QSOX1: variants seen among roughly 807,000 people sequenced by gnomAD.
QSOX1 encodes quiescin sulfhydryl oxidase 1, also known as sulfhydryl oxidase 1.
Under a neutral mutation model 76.1 loss-of-function variants are expected in QSOX1, and 40 were observed. The observed-to-expected ratio is 0.53, with a 90% CI of 0.41 to 0.68. QSOX1 has a LOEUF of 0.68. Ranked by LOEUF, QSOX1 falls within the 30% of genes least tolerant of loss-of-function variation. QSOX1 has a pLI of 0.00. For missense variants in QSOX1, 931 were observed against 974.3 expected (o/e 0.96, Z 0.59); for synonymous variants, 392 against 413.1 (o/e 0.95, Z 0.62).
At chr1:180,162,001 A>G (rs892435422) in intron 1 of QSOX1, among the ~76,000 whole-genome samples, 6 of 152,260 alleles carry the variant, frequency 3.9e-5, no homozygotes, top group Non-Finnish European at 8.8e-5. Context: ...GAATAAAGCA[A>G]TTAACTGTAG....
chr1:180,184,180 G>A, intron 7 of QSOX1, 130 bp downstream of exon 7: 3 of 1,259,450 alleles, frequency 2.4e-6, no homozygotes, highest in Non-Finnish European at 3.3e-6. Context: ...TCTGAGCCAG[G>A]CTGTCCCCCA....
chr1:180,156,599 G>A (rs1662380988), intron 1 of QSOX1, among the ~76,000 whole-genome samples: 1 of 152,178 alleles, frequency 6.6e-6, no homozygotes, highest in Admixed American at 6.5e-5. Context: ...TTAGCCATAT[G>A]GTCCTGGAAA....
rs1662339814 is a variant in QSOX1 at position 180,155,017 on chromosome 1, C to G, written c.110C>G (p.Ser37Trp). The change falls in exon 1 of 12, where the codon TCG becomes TGG. Residue 37 changes from serine (S) to tryptophan (W), a missense_variant. Physicochemically the swap from Ser to Trp is radical, Grantham distance 177. Coordinates refer to ENST00000367602, the MANE Select transcript of QSOX1 (RefSeq NM_002826.5). ...GCGGCCCCGCGGTCGGCGCTCTATT[C>G]GCCTTCCGACCCGCTGACGCTGCTG... Reference protein sequence around the residue: ...ANAAPRSALYSPSDPLTLLQA... With the variant: ...ANAAPRSALYWPSDPLTLLQA... The G allele has an allele frequency of 2.0e-6, 3 of 1,513,036 alleles. No homozygotes were observed. The highest frequency in any genetic ancestry group is 8.8e-7 in the Non-Finnish European group (1 of 1,138,086). 93.7% of individuals were successfully genotyped at this position (1,513,036 alleles called of 1,614,324 possible). A position where few individuals can be genotyped will look rare whatever the true frequency, so the allele number is the denominator to read the frequency against.
At position 180,200,632 on chromosome 1, in the gene QSOX1, C is replaced by T. The variant is rs538470478; in HGVS notation, c.*3595C>T. 6.6e-6 allele frequency: 1 copy of T among 152,282 alleles called. No homozygotes were observed. Among genetic ancestry groups the T allele is most frequent in the African/African-American group, 2.4e-5 (1 of 41,534 alleles). 9.4% of individuals were successfully genotyped at this position (152,282 alleles called of 1,614,324 possible). ...TAAATCTCATTTAATCCTCCAACAA[C>T]GCAAGATGAAGAAGCTGAGGCTTAA... On this transcript the variant is annotated 3_prime_UTR_variant, in exon 12 of 12. Coordinates refer to ENST00000367602, the MANE Select transcript of QSOX1 (RefSeq NM_002826.5).
chr1:180,189,894 C>G (rs909556043), intron 9 of QSOX1, among the ~76,000 whole-genome samples: 1 of 152,214 alleles, frequency 6.6e-6, no homozygotes, highest in Admixed American at 6.5e-5. Context: ...ATATTCTCCC[C>G]ATTTAGCAGA....
chr1:180,158,192 G>T (rs890521749), intron 1 of QSOX1, among the ~76,000 whole-genome samples: 3 of 152,226 alleles, frequency 2.0e-5, no homozygotes, highest in African/African-American at 7.2e-5. Flanking sequence ...GCTTTCTGGA[G>T]CCTGGGCAGG....
chr1:180,178,101 C>G (rs1448974134), intron 4 of QSOX1, among the ~76,000 whole-genome samples: 1 of 152,162 alleles, frequency 6.6e-6, no homozygotes, highest in African/African-American at 2.4e-5. Flanking sequence ...CTAATACCCC[C>G]CAGCTCTCAG....
chr1:180,194,326 G>C lies in QSOX1; in HGVS notation c.1402G>C (p.Gly468Arg). Residue 468 changes from glycine (G) to arginine (R), a missense_variant, in exon 11 of 12, where the codon GGG becomes CGG. Physicochemically the swap from Gly to Arg is moderately radical, Grantham distance 125. Transcript: ENST00000367602. ...QMAAASMHRV[G>R]SPNAAVLWLW... Reference sequence around the variant, plus strand: ...GGCTGCTGCCTCCATGCACCGGGTGGGGAGTCCCAACGCCGCTGTCCTCTG... The same window carrying C: ...GGCTGCTGCCTCCATGCACCGGGTGCGGAGTCCCAACGCCGCTGTCCTCTG... The C allele has an allele frequency of 6.2e-7, 1 of 1,609,674 alleles. No individual in the cohort carries two copies. Among genetic ancestry groups the C allele is most frequent in the South Asian group, 1.1e-5 (1 of 90,664 alleles).
intron 2 of QSOX1, 38 bp downstream of exon 2, chr1:180,166,629 G>A (rs1662637227): frequency 1.9e-6 from 3 of 1,585,210 alleles, no homozygotes; most frequent in South Asian, 1.1e-5. Flanking sequence ...GGCTGGGCCT[G>A]CTTTGTTTCC....
At chr1:180,162,675 G>T (rs1045648467) in intron 1 of QSOX1, among the ~76,000 whole-genome samples, 6 of 151,928 alleles carry the variant, frequency 3.9e-5, no homozygotes, top group African/African-American at 7.3e-5. Context: ...GGAGATTGAG[G>T]ACAGGTGAGC....
intron 1 of QSOX1, among the ~76,000 whole-genome samples, chr1:180,164,810 A>G (rs1477735154): frequency 6.6e-6 from 1 of 152,168 alleles, no homozygotes. Flanking sequence ...TTATAAAGAA[A>G]AGAGGTTTAA....
In QSOX1 at chr1:180,196,020, A is replaced by G. The variant is rs1025390069; in HGVS notation, c.1469-242A>G. Among the ~76,000 whole-genome samples, 1 of 152,124 alleles carries G rather than the reference A, an allele frequency of 6.6e-6. No individual in the cohort carries two copies. Among genetic ancestry groups the G allele is most frequent in the Non-Finnish European group, 1.5e-5 (1 of 68,040 alleles). On this transcript the variant is annotated intron_variant, in intron 11 of 11. Transcript: ENST00000367602. This position sits in a 1 kb window ranked among gnomAD's most constrained non-coding sequence, Gnocchi z 4.1. ...TGGCGCTCTTCACGCTTCCCTGGAA[A>G]ACCACGGAGGGCCGGGGCTGAGGGG...
intron 5 of QSOX1, among the ~76,000 whole-genome samples, chr1:180,181,898 C>T (rs1056895990): frequency 2.6e-5 from 4 of 152,206 alleles, no homozygotes; most frequent in Non-Finnish European, 4.4e-5. Flanking sequence ...GAAAATGCTA[C>T]CCAGTTGGGA....
intron 7 of QSOX1, among the ~76,000 whole-genome samples, 173 bp downstream of exon 7, chr1:180,184,223 A>G (rs562407899): frequency 4.0e-4 from 61 of 152,188 alleles, no homozygotes; most frequent in African/African-American, 1.3e-3. Flanking sequence ...GGGACCTTCA[A>G]TGTGTGGGAG....
At position 180,194,179 on chromosome 1, in the gene QSOX1, A is replaced by G. The variant is rs767468084; in HGVS notation, c.1289-34A>G. 3.4e-5 allele frequency: 54 copies of G among 1,571,284 alleles called. No homozygotes were observed. The East Asian group carries it at 8.3e-4, about 24-fold the overall frequency. ...AACGGCTGTGGGGCTGGCAGCCTGA[A>G]GGGCTGGTGCGTGGCATCTCCTCTG... On this transcript the variant is annotated intron_variant, in intron 10 of 11. Transcript: ENST00000367602.
intron 1 of QSOX1, among the ~76,000 whole-genome samples, chr1:180,158,653 C>CTT (rs1396648449): frequency 6.6e-6 from 1 of 152,118 alleles, no homozygotes; most frequent in African/African-American, 2.4e-5. Context: ...TAAACTAACT[C>CTT]TCTGTGTCAG....
intron 11 of QSOX1, among the ~76,000 whole-genome samples, chr1:180,194,999 G>GGA (rs67499035): frequency 1.3e-5 from 2 of 150,318 alleles, no homozygotes; most frequent in African/African-American, 2.5e-5. Context: ...AGCCTCCCGG[G>GGA]GGGGGGAGAC....
chr1:180,192,905 G>A (rs1663355282), intron 10 of QSOX1, among the ~76,000 whole-genome samples: 1 of 152,162 alleles, frequency 6.6e-6, no homozygotes, highest in African/African-American at 2.4e-5. Context: ...ACCAGCAAAG[G>A]AGGCTGAACG....
rs768721541 is a variant in QSOX1 at position 180,189,541 on chromosome 1, C to T, written c.1018-11C>T. Reference sequence around the variant, plus strand: ...TTTCACTCTCCAGCTTCCGCTTGTTCCTCCCCACAGTATTTCCCTGGCCGG... The same window carrying T: ...TTTCACTCTCCAGCTTCCGCTTGTTTCTCCCCACAGTATTTCCCTGGCCGG... On this transcript the variant is annotated splice_polypyrimidine_tract_variant and intron_variant, in intron 8 of 11. Transcript: ENST00000367602. 1 of 1,530,324 alleles carries T rather than the reference C, an allele frequency of 6.5e-7. No individual in the cohort carries two copies. The highest frequency in any genetic ancestry group is 1.1e-5 in the South Asian group (1 of 89,660). The allele number at this position is 1,530,324 out of a possible 1,614,324, so 94.8% of individuals were successfully genotyped here.
Sources: gnomAD v4.1 joint callset for allele counts (sites outside exome capture counted in the v4.1 genomes callset) on GRCh38, gnomAD v4.1.1 for gene constraint, Gnocchi (gnomAD v3.1) non-coding constraint, MANE v1.5 for transcripts, NCBI Gene and HGNC (gene_info 2026-07-23, HGNC 2026-07-21) for gene names.